Variants in TMEM164 observed in about 807,000 individuals in gnomAD.
The protein encoded by TMEM164 is transmembrane protein 164.
Under a neutral mutation model 18.8 loss-of-function variants are expected in TMEM164, and 4 were observed. That is an observed-to-expected ratio of 0.21 (90% CI 0.10 to 0.49). The LOEUF (loss-of-function observed/expected upper bound fraction) is 0.49. Ranked by LOEUF, TMEM164 falls within the 20% of genes least tolerant of loss-of-function variation. TMEM164 has a pLI of 0.98. For synonymous variants in TMEM164, 86 were observed against 101.7 expected (o/e 0.85, Z 0.93); for missense variants, 108 against 239.9 (o/e 0.45, Z 3.63).
At chrX:110,096,628 G>C (rs896119339) in intron 3 of TMEM164, among the ~76,000 whole-genome samples, 1 of 112,406 alleles carries the variant, frequency 8.9e-6, no homozygotes, top group Non-Finnish European at 1.9e-5. Flanking sequence ...CCGACCCCTT[G>C]TTCTTCCCGG....
At chrX:110,075,721 T>C (rs1359395558) in intron 3 of TMEM164, among the ~76,000 whole-genome samples, 7 of 112,373 alleles carry the variant, frequency 6.2e-5, no homozygotes, top group Admixed American at 5.7e-4. Context: ...GATGATCATA[T>C]GGTCCTTGTT....
intron 2 of TMEM164, among the ~76,000 whole-genome samples, chrX:110,063,077 G>A (rs1936184911): frequency 9.0e-6 from 1 of 111,594 alleles, no homozygotes; most frequent in Admixed American, 9.5e-5. Context: ...CTTGGCCTCA[G>A]CGATCCCCAG....
intron 3 of TMEM164, among the ~76,000 whole-genome samples, chrX:110,069,590 TA>T (rs1388001086): frequency 2.8e-5 from 3 of 107,474 alleles, no homozygotes; most frequent in Admixed American, 1.0e-4. Flanking sequence ...TTTTTTTAAT[TA>T]TTTTTTTAGT....
intron 3 of TMEM164, among the ~76,000 whole-genome samples, chrX:110,104,288 G>T (rs1437720802): frequency 8.9e-6 from 1 of 111,966 alleles, no homozygotes; most frequent in East Asian, 2.8e-4. Context: ...GCTGCCTCTT[G>T]CAGTGAGCTC....
chrX:110,156,402 T>C (rs1406622603), intron 5 of TMEM164, among the ~76,000 whole-genome samples: 1 of 112,167 alleles, frequency 8.9e-6, no homozygotes, highest in Non-Finnish European at 1.9e-5. Context: ...TAATATTGGA[T>C]ATTGATTTAT....
Position 110,079,248 on chromosome X carries a change from G to T in TMEM164, c.440+11852G>T, listed in dbSNP as rs185476294. ...TTTCCTGGTCAAGAAGTATTCCCCG[G>T]TGAAGCTTTCCTGGGCAGTTTTTCA... On this transcript the variant is annotated intron_variant, in intron 3 of 6. Coordinates refer to ENST00000372068, the MANE Select transcript of TMEM164 (RefSeq NM_032227.4). Among the ~76,000 whole-genome samples, 5 of 111,578 alleles carry T rather than the reference G, an allele frequency of 4.5e-5. No individual in the cohort carries two copies. The Admixed American group carries it at 4.8e-4, about 11-fold the overall frequency.
chrX:110,149,912 G>A (rs2066916620), intron 5 of TMEM164, among the ~76,000 whole-genome samples: 1 of 111,594 alleles, frequency 9.0e-6, no homozygotes, highest in African/African-American at 3.3e-5. Context: ...CAATGCATCC[G>A]TTCATCTCAC....
At chrX:110,042,273 G>A (rs945336415) in intron 2 of TMEM164, among the ~76,000 whole-genome samples, 19 of 110,482 alleles carry the variant, frequency 1.7e-4, no homozygotes, top group Admixed American at 1.3e-3. Flanking sequence ...ACCTGTTATC[G>A]GTGGAATCAT....
chrX:110,145,497 G>A (rs946221258), intron 5 of TMEM164, among the ~76,000 whole-genome samples: 4 of 111,700 alleles, frequency 3.6e-5, no homozygotes, highest in African/African-American at 9.8e-5. Context: ...CCTCTATTGT[G>A]TAACAGACAA....
At chrX:110,143,779 C>A (rs1276501443) in intron 4 of TMEM164, among the ~76,000 whole-genome samples, 3 of 109,061 alleles carry the variant, frequency 2.8e-5, no homozygotes, top group Non-Finnish European at 5.7e-5. Context: ...CCCTGGGTGC[C>A]TTTGTCTGTC....
chrX:110,052,604 G>C (rs11797230), intron 2 of TMEM164, among the ~76,000 whole-genome samples: 2 of 110,808 alleles, frequency 1.8e-5, no homozygotes, highest in Admixed American at 9.6e-5. Context: ...TGGACCTACA[G>C]TGAGGACCAT....
chrX:110,116,819 C>T (rs1053190092), intron 4 of TMEM164, among the ~76,000 whole-genome samples: 4 of 100,930 alleles, frequency 4.0e-5, no homozygotes, highest in African/African-American at 1.4e-4. Flanking sequence ...CTGGGCCACT[C>T]CCTTGTGTGT....
At chrX:110,127,284 G>A (rs768183348) in intron 4 of TMEM164, among the ~76,000 whole-genome samples, 3 of 111,005 alleles carry the variant, frequency 2.7e-5, no homozygotes, top group South Asian at 3.9e-4. Context: ...AGGCTGAGGC[G>A]GGCAGATCAC....
At position 110,176,192 on chromosome X, in the gene TMEM164, C is replaced by G; in HGVS notation, c.*2741C>G. 1 of 756,756 alleles carries G rather than the reference C, an allele frequency of 1.3e-6. No individual in the cohort carries two copies. Among genetic ancestry groups the G allele is most frequent in the Non-Finnish European group, 1.6e-6 (1 of 639,632 alleles). 62.4% of individuals were successfully genotyped at this position (756,756 alleles called of 1,213,427 possible). On this transcript the variant is annotated 3_prime_UTR_variant, in exon 7 of 7. Coordinates refer to ENST00000372068, the MANE Select transcript of TMEM164 (RefSeq NM_032227.4). Reference sequence around the variant, plus strand: ...GAAGGGAAAAGAGTACTCCCTCCAGCCCCTAGGTAGCCTTGGCCAGGGATG... The same window carrying G: ...GAAGGGAAAAGAGTACTCCCTCCAGGCCCTAGGTAGCCTTGGCCAGGGATG...
At chrX:110,158,823 C>G (rs893334573) in intron 5 of TMEM164, among the ~76,000 whole-genome samples, 2 of 112,100 alleles carry the variant, frequency 1.8e-5, no homozygotes, top group Non-Finnish European at 3.8e-5. Flanking sequence ...CAAAGCTAGA[C>G]TACCTGGTTT....
intron 4 of TMEM164, among the ~76,000 whole-genome samples, chrX:110,126,719 A>T (rs994602688): frequency 1.2e-4 from 13 of 110,367 alleles, no homozygotes; most frequent in Non-Finnish European, 2.5e-4. Context: ...CAACCAGCAA[A>T]TCTCACCTTA....
intron 2 of TMEM164, among the ~76,000 whole-genome samples, chrX:110,026,167 T>G (rs1195738642): frequency 2.7e-5 from 3 of 112,404 alleles, no homozygotes; most frequent in Non-Finnish European, 3.8e-5. Flanking sequence ...CCTCATGAAC[T>G]TCTCCTGGCA....
chrX:110,011,841 T>C lies in TMEM164; in HGVS notation c.390+7677T>C, dbSNP rs898039567. Among the ~76,000 whole-genome samples, 4 of 112,031 alleles carry C rather than the reference T, an allele frequency of 3.6e-5. No individual in the cohort carries two copies. The East Asian group carries it at 1.1e-3, about 31-fold the overall frequency. ...CCTACCATAAGTTCGCAGAGTTGCT[T>C]CCTCCTTCACAGAAAAGTGTCTCAA... On this transcript the variant is annotated intron_variant, in intron 2 of 6. Transcript: ENST00000372068.
chrX:110,166,953 C>T (rs1422452400), intron 5 of TMEM164, among the ~76,000 whole-genome samples: 9 of 112,035 alleles, frequency 8.0e-5, no homozygotes, highest in Non-Finnish European at 1.7e-4. Context: ...ATCATCTATT[C>T]TCAGAGTACT....
Sources: gnomAD v4.1 joint callset for allele counts (sites outside exome capture counted in the v4.1 genomes callset) on GRCh38, gnomAD v4.1.1 for gene constraint, MANE v1.5 for transcripts, NCBI Gene and HGNC (gene_info 2026-07-23, HGNC 2026-07-21) for gene names.